The following TMEM255A variants were observed in gnomAD, a reference collection of about 807,000 sequenced individuals.
The protein encoded by TMEM255A is family with sequence similarity 70, member A.
Under a neutral mutation model 23.5 loss-of-function variants are expected in TMEM255A, and 14 were observed. That is an observed-to-expected ratio of 0.60 (90% CI 0.39 to 0.93). The LOEUF (loss-of-function observed/expected upper bound fraction) is 0.93. Ranked by LOEUF, TMEM255A falls within the 40% of genes least tolerant of loss-of-function variation. The pLI is 0.00. For missense variants in TMEM255A, 233 were observed against 261.7 expected (o/e 0.89, Z 0.76); for synonymous variants, 104 against 100.3 (o/e 1.04, Z -0.22).
intron 5 of TMEM255A, chrX:120,285,917 C>G: frequency 5.9e-6 from 7 of 1,177,924 alleles, no homozygotes; most frequent in Non-Finnish European, 8.0e-6. Context: ...TTGTCCAGCT[C>G]TCTCCCCCAT....
At chrX:120,296,823 AATATATATG>A in intron 2 of TMEM255A, among the ~76,000 whole-genome samples, 1 of 17,059 alleles carries the variant, frequency 5.9e-5, no homozygotes, top group East Asian at 2.3e-3. Flanking sequence ...TATCATATAT[AATATATATG>A]ATATATAATA....
At chrX:120,309,264 G>A in intron 1 of TMEM255A, among the ~76,000 whole-genome samples, 1 of 113,259 alleles carries the variant, frequency 8.8e-6, no homozygotes, top group Non-Finnish European at 1.9e-5. Flanking sequence ...TTCTATCTGG[G>A]ATTTATGATT....
chrX:120,267,918 G>A (rs1233662290), intron 8 of TMEM255A, among the ~76,000 whole-genome samples: 1 of 111,199 alleles, frequency 9.0e-6, no homozygotes, highest in Non-Finnish European at 1.9e-5. Flanking sequence ...GTACTAATGA[G>A]CTGCCATTTC....
chrX:120,291,410 C>G, intron 3 of TMEM255A, 70 bp from the exon 4 acceptor site: 1 of 878,276 alleles, frequency 1.1e-6, no homozygotes, highest in South Asian at 2.2e-5. Context: ...ACCAGGCAAT[C>G]CCCAAGAGAC....
downstream of TMEM255A, chrX:120,255,358 A>G: frequency 5.0e-6 from 6 of 1,211,440 alleles, no homozygotes. Flanking sequence ...ATTCAGCAGG[A>G]AAATGATTCA....
intron 3 of TMEM255A, among the ~76,000 whole-genome samples, chrX:120,292,307 T>C (rs2057921169): frequency 8.9e-6 from 1 of 111,934 alleles, no homozygotes; most frequent in African/African-American, 3.3e-5. Flanking sequence ...TCAAGGCTTT[T>C]CCAGGGGCAG....
chrX:120,291,445 C>G, intron 3 of TMEM255A, 105 bp from the exon 4 acceptor site: 1 of 636,915 alleles, frequency 1.6e-6, no homozygotes. Context: ...GAACTCTAGC[C>G]TACCACCCCA....
At chrX:120,297,366 T>A (rs1556025047) in intron 2 of TMEM255A, among the ~76,000 whole-genome samples, 1 of 101,731 alleles carries the variant, frequency 9.8e-6, no homozygotes. Flanking sequence ...GCTAAATAAA[T>A]GGTAGTGCTA....
chrX:120,287,172 T>G lies in TMEM255A; in HGVS notation c.405A>C (p.Ser135=), dbSNP rs782364187. 6.6e-6 allele frequency: 8 copies of G among 1,208,908 alleles called. No homozygotes were observed. The highest frequency in any genetic ancestry group is 1.8e-5 in the African/African-American group (1 of 56,968). ...ANRCHYVPKT[S]QKEAEEVNCP... is the part of the protein sequence containing the mutation. ...GGCTCACCTCCTCAGCTTCCTTCTGTGATGTCTTGGGAACATAATGGCACC... is the reference window on the plus strand; with the variant it reads ...GGCTCACCTCCTCAGCTTCCTTCTGGGATGTCTTGGGAACATAATGGCACC... The change falls in exon 5 of 9, where the codon TCA becomes TCC. Residue 135 remains serine (S), a synonymous_variant. Coordinates refer to ENST00000371369, the MANE Select transcript of TMEM255A (RefSeq NM_001104544.3).
chrX:120,253,473 A>C, the TMEM255A span: 1 of 1,211,893 alleles, frequency 8.3e-7, no homozygotes, highest in Non-Finnish European at 1.1e-6. Flanking sequence ...CAGTCTGCTG[A>C]ACTCCTTGAA....
intron 3 of TMEM255A, among the ~76,000 whole-genome samples, chrX:120,292,827 T>A (rs1393930860): frequency 5.4e-5 from 6 of 111,071 alleles, no homozygotes; most frequent in African/African-American, 3.3e-5. Context: ...AATACTTATC[T>A]CCTTTGGGAG....
intron 3 of TMEM255A, among the ~76,000 whole-genome samples, chrX:120,292,699 G>T (rs1556023243): frequency 9.2e-6 from 1 of 108,596 alleles, no homozygotes; most frequent in Non-Finnish European, 1.9e-5. Context: ...GACAGAGGTT[G>T]CAGTGAGCCG....
chrX:120,253,996 A>T, downstream of TMEM255A: 1 of 1,209,105 alleles, frequency 8.3e-7, no homozygotes, highest in Non-Finnish European at 1.1e-6. Context: ...GATGATGATG[A>T]TGTCATTTTT....
chrX:120,278,698 T>C (rs375857032), intron 6 of TMEM255A, among the ~76,000 whole-genome samples: 23 of 112,386 alleles, frequency 2.0e-4, no homozygotes, highest in Non-Finnish European at 4.1e-4. Context: ...TCCCCTGCTA[T>C]AAGAATGCAA....
At chrX:120,263,009 G>T (rs782599160) in intron 8 of TMEM255A, among the ~76,000 whole-genome samples, 2 of 111,255 alleles carry the variant, frequency 1.8e-5, no homozygotes, top group East Asian at 2.8e-4. Flanking sequence ...TGAGAAGTAT[G>T]GGGGGAGGGG....
Position 120,291,297 on chromosome X carries a change from G to T in TMEM255A, c.308C>A (p.Ala103Asp). 1 of 1,209,581 alleles carries T rather than the reference G, an allele frequency of 8.3e-7. No individual in the cohort carries two copies. The highest frequency in any genetic ancestry group is 3.0e-5 in the East Asian group (1 of 33,827). Residue 103 changes from alanine (A) to aspartate (D), a missense_variant, in exon 4 of 9, where the codon GCT (alanine) becomes GAT (aspartate). Physicochemically the swap from Ala to Asp is moderately radical, Grantham distance 126. Coordinates refer to ENST00000371369, the MANE Select transcript of TMEM255A (RefSeq NM_001104544.3). ...CCCGTCAACTATGGCACAACAAAAA[G>T]CCGCAATCACACCAAAGCTGATAAA... ...IVFISFGVIA[A>D]FCCAIVDGVF...
Position 120,293,971 on chromosome X carries a change from T to C in TMEM255A, c.264+18A>G, listed in dbSNP as rs1556023497. 2 of 1,140,356 alleles carry C rather than the reference T, an allele frequency of 1.8e-6. No individual in the cohort carries two copies. Among genetic ancestry groups the C allele is most frequent in the Non-Finnish European group, 2.4e-6 (2 of 837,904 alleles). 94.0% of individuals were successfully genotyped at this position (1,140,356 alleles called of 1,213,427 possible). On this transcript the variant is annotated intron_variant, in intron 3 of 8. Coordinates refer to ENST00000371369, the MANE Select transcript of TMEM255A (RefSeq NM_001104544.3). Reference sequence around the variant, plus strand: ...TTTTTAGAGGAAGAACTTGACTCTATAAGGGATGAAAACTTACCATCTGCC... The same window carrying C: ...TTTTTAGAGGAAGAACTTGACTCTACAAGGGATGAAAACTTACCATCTGCC...
chrX:120,306,498 T>C (rs1603404509), intron 1 of TMEM255A, among the ~76,000 whole-genome samples: 3 of 111,753 alleles, frequency 2.7e-5, no homozygotes, highest in African/African-American at 9.8e-5. Context: ...CCTCCCATTC[T>C]TGTCTTCCCT....
intron 2 of TMEM255A, among the ~76,000 whole-genome samples, chrX:120,296,868 T>TAA (rs1376684600): frequency 4.1e-4 from 1 of 2,454 alleles, no homozygotes; most frequent in African/African-American, 2.1e-3. Context: ...ATATAATATA[T>TAA]TATATATCAT....
Sources: gnomAD v4.1 joint callset for allele counts (sites outside exome capture counted in the v4.1 genomes callset) on GRCh38, gnomAD v4.1.1 for gene constraint, MANE v1.5 for transcripts, NCBI Gene and HGNC (gene_info 2026-07-23, HGNC 2026-07-21) for gene names.